PRKCA: variants seen among roughly 807,000 people sequenced by gnomAD.
The protein encoded by PRKCA is protein kinase C alpha.
Under a neutral mutation model 87.0 loss-of-function variants are expected in PRKCA, and 27 were observed. The ratio of observed to expected loss-of-function variants is 0.31; its 90% confidence interval spans 0.23 to 0.43. The LOEUF is 0.43. Among genes scored for constraint, PRKCA ranks in the 20% least tolerant of loss-of-function variants. PRKCA has a pLI of 1.00. For synonymous variants in PRKCA, 329 were observed against 311.1 expected, an observed-to-expected ratio of 1.06 and a Z score of -0.61; for missense variants, 518 against 852.3, an observed-to-expected ratio of 0.61 and a Z score of 4.88.
chr17:66,531,363 A>C (rs761142132), intron 3 of PRKCA, among the ~76,000 whole-genome samples: 9 of 152,212 alleles, frequency 5.9e-5, no homozygotes, highest in Non-Finnish European at 1.0e-4. Context: ...CAAATGAAGC[A>C]TGGCAGCCTG....
At chr17:66,355,909 T>G (rs976383385) in intron 2 of PRKCA, among the ~76,000 whole-genome samples, 4 of 152,184 alleles carry the variant, frequency 2.6e-5, no homozygotes, top group African/African-American at 9.7e-5. Flanking sequence ...AAAGTGATGT[T>G]TTTTTTGAGA....
At chr17:66,573,191 C>T (rs1041979946) in intron 3 of PRKCA, among the ~76,000 whole-genome samples, 2 of 152,184 alleles carry the variant, frequency 1.3e-5, no homozygotes, top group Admixed American at 6.5e-5. Flanking sequence ...GCTCCTCTCT[C>T]AAGGTGAGTT....
chr17:66,414,316 T>TAGC (rs1162791929), intron 2 of PRKCA, among the ~76,000 whole-genome samples: 1 of 152,128 alleles, frequency 6.6e-6, no homozygotes, highest in Non-Finnish European at 1.5e-5. Flanking sequence ...TAAAAGTGTG[T>TAGC]AGCACCTCCC....
intron 8 of PRKCA, among the ~76,000 whole-genome samples, chr17:66,709,297 ATTTCTTTTTT>A (rs1241822909): frequency 3.6e-5 from 3 of 83,508 alleles, no homozygotes; most frequent in African/African-American, 1.7e-4. Flanking sequence ...TTTTGAGATG[ATTTCTTTTTT>A]TTTTTTTTTT....
intron 14 of PRKCA, among the ~76,000 whole-genome samples, chr17:66,776,047 G>A (rs1178943034): frequency 6.6e-6 from 1 of 152,238 alleles, no homozygotes; most frequent in East Asian, 1.9e-4. Context: ...CAGGCAGAGG[G>A]AGCCACCACG....
intron 2 of PRKCA, among the ~76,000 whole-genome samples, chr17:66,433,291 G>A (rs537881628): frequency 1.2e-4 from 19 of 152,250 alleles, no homozygotes; most frequent in Middle Eastern, 3.4e-3. Context: ...TCTGGCCCCG[G>A]CCCTGGCCCT....
chr17:66,645,575 T>C (rs866974980), intron 5 of PRKCA, 64 bp downstream of exon 5: 4 of 1,599,284 alleles, frequency 2.5e-6, no homozygotes, highest in Middle Eastern at 1.7e-4. Flanking sequence ...TACACTGATA[T>C]TAAGGCAGGG....
chr17:66,740,033 A>C (rs1974123680), intron 11 of PRKCA, among the ~76,000 whole-genome samples: 1 of 151,946 alleles, frequency 6.6e-6, no homozygotes, highest in African/African-American at 2.4e-5. Context: ...TCTTTGAAAA[A>C]CACCCTGGAG....
At chr17:66,386,469 A>C (rs1249835717) in intron 2 of PRKCA, among the ~76,000 whole-genome samples, 1 of 152,180 alleles carries the variant, frequency 6.6e-6, no homozygotes, top group Non-Finnish European at 1.5e-5. Context: ...AAGTTGCTTT[A>C]TCTCTCATGT....
chr17:66,379,126 G>T (rs1012156446), intron 2 of PRKCA, among the ~76,000 whole-genome samples: 1 of 152,100 alleles, frequency 6.6e-6, no homozygotes. Context: ...TTGTGCATGA[G>T]TTTTTTTGTG....
At position 66,784,526 on chromosome 17, in the gene PRKCA, C is replaced by T. The variant is rs554835783; in HGVS notation, c.1606-2341C>T. On this transcript the variant is annotated intron_variant, in intron 14 of 16. Transcript: ENST00000413366. Reference sequence around the variant, plus strand: ...CCTCCCAAAGTGCTGGGATTACAGGCGTGAGCCACCACGCCCAGCTACTAC... The same window carrying T: ...CCTCCCAAAGTGCTGGGATTACAGGTGTGAGCCACCACGCCCAGCTACTAC... Among the ~76,000 whole-genome samples, 6 of 152,146 alleles carry T rather than the reference C, an allele frequency of 3.9e-5. No homozygotes were observed. In the South Asian group the frequency reaches 8.3e-4, roughly 21 times the overall value.
chr17:66,315,147 A>G (rs1428460363), intron 2 of PRKCA, among the ~76,000 whole-genome samples: 3 of 152,190 alleles, frequency 2.0e-5, no homozygotes, highest in Non-Finnish European at 4.4e-5. Flanking sequence ...GCCAGCACCC[A>G]TATAGCACTT....
intron 2 of PRKCA, among the ~76,000 whole-genome samples, chr17:66,380,018 G>A (rs892193896): frequency 6.6e-6 from 1 of 152,064 alleles, no homozygotes; most frequent in African/African-American, 2.4e-5. Context: ...GTCACAGGAT[G>A]CTAAAATTAT....
chr17:66,803,436 A>G lies in PRKCA; in HGVS notation c.1855-437A>G, dbSNP rs1260833639. 2.6e-5 allele frequency among the ~76,000 whole-genome samples: 4 copies of G among 152,142 alleles called. No individual in the cohort carries two copies. Among genetic ancestry groups the G allele is most frequent in the African/African-American group, 9.7e-5 (4 of 41,428 alleles). ...TACAAATATTGCGGCAAAAAAACAG[A>G]TGTGGGGCAGTAACTCACCCCGTCG... On this transcript the variant is annotated intron_variant, in intron 16 of 16. Transcript: ENST00000413366. The surrounding 1 kb of genome is among the most constrained non-coding windows in gnomAD (Gnocchi z 4.4).
chr17:66,675,844 C>T (rs938745846), intron 5 of PRKCA, among the ~76,000 whole-genome samples: 6 of 152,150 alleles, frequency 3.9e-5, no homozygotes, highest in Non-Finnish European at 8.8e-5. Flanking sequence ...CTGGTTCCTC[C>T]GCGGGGTCCC....
intron 5 of PRKCA, among the ~76,000 whole-genome samples, chr17:66,683,703 G>A (rs1313528017): frequency 2.0e-5 from 3 of 152,104 alleles, no homozygotes; most frequent in Non-Finnish European, 4.4e-5. Context: ...GGGTTCAAGC[G>A]ATTCTCGTGC....
At chr17:66,586,594 G>A (rs1598794536) in intron 3 of PRKCA, among the ~76,000 whole-genome samples, 1 of 152,152 alleles carries the variant, frequency 6.6e-6, no homozygotes, top group South Asian at 2.1e-4. Context: ...GCCTTAGCCA[G>A]CCTGAAGTCA....
chr17:66,304,805 G>T (rs1369895948), intron 1 of PRKCA, among the ~76,000 whole-genome samples: 2 of 152,186 alleles, frequency 1.3e-5, no homozygotes, highest in Non-Finnish European at 2.9e-5. Context: ...AAAGGAGTAG[G>T]TAGTCGTAGA....
At chr17:66,679,951 T>C (rs551309800) in intron 5 of PRKCA, among the ~76,000 whole-genome samples, 2 of 152,372 alleles carry the variant, frequency 1.3e-5, no homozygotes, top group East Asian at 3.9e-4. Flanking sequence ...ATGAAATTAA[T>C]TTATGGATCT....
Sources: gnomAD v4.1 joint callset for allele counts (sites outside exome capture counted in the v4.1 genomes callset) on GRCh38, gnomAD v4.1.1 for gene constraint, Gnocchi (gnomAD v3.1) non-coding constraint, MANE v1.5 for transcripts, NCBI Gene and HGNC (gene_info 2026-07-23, HGNC 2026-07-21) for gene names.